TLN2: variants seen among roughly 807,000 people sequenced by gnomAD.
TLN2 encodes talin 2.
TLN2 carries 118 observed loss-of-function variants against 294.7 expected under a neutral mutation model. That is an observed-to-expected ratio of 0.40 (90% CI 0.34 to 0.47). TLN2 has a LOEUF of 0.47. TLN2 is among the 20% of genes least tolerant of loss of function. The probability of loss-of-function intolerance (pLI) is 0.84; values close to 1 mark genes in which losing one functional copy is unlikely to be tolerated. For missense variants in TLN2, 3,083 were observed against 3,282.2 expected, an observed-to-expected ratio of 0.94 and a Z score of 1.48; for synonymous variants, 1,431 against 1,304.5, an observed-to-expected ratio of 1.10 and a Z score of -2.09.
At chr15:62,463,015 C>T (rs932232575) in intron 1 of TLN2, among the ~76,000 whole-genome samples, 2 of 152,164 alleles carry the variant, frequency 1.3e-5, no homozygotes, top group African/African-American at 2.4e-5. Context: ...GCCGTGGCCA[C>T]GGGGGTACTT....
chr15:62,701,856 C>T, intron 17 of TLN2, 136 bp from the exon 18 acceptor site: 1 of 975,806 alleles, frequency 1.0e-6, no homozygotes, highest in Non-Finnish European at 1.5e-6. Flanking sequence ...CAGGCCAGCT[C>T]ACTGTGCTCA....
intron 12 of TLN2, among the ~76,000 whole-genome samples, chr15:62,688,757 TTC>T (rs2057511691): frequency 6.6e-6 from 1 of 152,202 alleles, no homozygotes; most frequent in Non-Finnish European, 1.5e-5. Flanking sequence ...TAATGTTATT[TTC>T]TGTTAGTAAT....
At chr15:62,504,231 G>A (rs2039461382) in intron 1 of TLN2, among the ~76,000 whole-genome samples, 1 of 152,180 alleles carries the variant, frequency 6.6e-6, no homozygotes, top group African/African-American at 2.4e-5. Context: ...ACATTGTTAA[G>A]ATGTCATCTC....
chr15:62,490,392 A>G (rs538808562), intron 1 of TLN2, among the ~76,000 whole-genome samples: 1 of 152,314 alleles, frequency 6.6e-6, no homozygotes, highest in Non-Finnish European at 1.5e-5. Context: ...GTTTGTCTCT[A>G]TCCTCAGAGG....
chr15:62,602,656 C>T (rs975549506), intron 2 of TLN2, among the ~76,000 whole-genome samples: 7 of 151,726 alleles, frequency 4.6e-5, no homozygotes, highest in African/African-American at 1.5e-4. Flanking sequence ...TGCTGGTTTA[C>T]AGATGCAGCC....
chr15:62,545,195 T>C (rs1596075762), intron 1 of TLN2, among the ~76,000 whole-genome samples: 1 of 152,064 alleles, frequency 6.6e-6, no homozygotes, highest in Non-Finnish European at 1.5e-5. Flanking sequence ...ACCTCGGCCT[T>C]CCGGAGTGCT....
At chr15:62,456,440 A>G (rs1191120570) in intron 1 of TLN2, among the ~76,000 whole-genome samples, 8 of 152,238 alleles carry the variant, frequency 5.3e-5, no homozygotes, top group African/African-American at 1.7e-4. Context: ...TGAGGGATTT[A>G]TGTGTTCCCT....
intron 1 of TLN2, among the ~76,000 whole-genome samples, chr15:62,532,460 T>G (rs775537395): frequency 2.0e-5 from 3 of 152,166 alleles, no homozygotes; most frequent in Non-Finnish European, 4.4e-5. Flanking sequence ...TGGATTGTTA[T>G]GTGGTTCCCA....
chr15:62,610,307 G>A (rs2047818588), intron 2 of TLN2, among the ~76,000 whole-genome samples: 1 of 152,194 alleles, frequency 6.6e-6, no homozygotes, highest in African/African-American at 2.4e-5. Flanking sequence ...ATAGCTCCTA[G>A]GAGAAATACA....
chr15:62,794,283 T>C (rs915080353), intron 46 of TLN2, among the ~76,000 whole-genome samples: 6 of 152,148 alleles, frequency 3.9e-5, no homozygotes, highest in Non-Finnish European at 5.9e-5. Context: ...CTTTTGACTG[T>C]TTCTTGCTGT....
In TLN2 at chr15:62,690,419, G is replaced by A. The variant is rs551982739; in HGVS notation, c.1114-2421G>A. 1.1e-3 allele frequency: 195 copies of A among 171,700 alleles called. 4 individuals carry two copies. The highest frequency in any genetic ancestry group is 4.4e-3 in the African/African-American group (175 of 39,446). The allele number at this position is 171,700 out of a possible 1,614,324, so 10.6% of individuals were successfully genotyped here. On this transcript the variant is annotated intron_variant, in intron 12 of 58. Transcript: ENST00000636159. Reference sequence around the variant, plus strand: ...CCCACATCTCAGACGATGGGCGGCCGGGCAGAGACGCTTCTCACTTCCTAG... The same window carrying A: ...CCCACATCTCAGACGATGGGCGGCCAGGCAGAGACGCTTCTCACTTCCTAG...
At chr15:62,507,361 C>G (rs139792268) in intron 1 of TLN2, among the ~76,000 whole-genome samples, 2 of 152,162 alleles carry the variant, frequency 1.3e-5, no homozygotes, top group Non-Finnish European at 2.9e-5. Flanking sequence ...CATTGAGACC[C>G]CCGTGTGATG....
chr15:62,410,416 G>C (rs531500750), intron 1 of TLN2, among the ~76,000 whole-genome samples: 14 of 152,040 alleles, frequency 9.2e-5, no homozygotes, highest in African/African-American at 2.9e-4. Flanking sequence ...TCCCTAAAAA[G>C]GATGAATTTT....
chr15:62,758,857 A>C (rs1203530850), intron 37 of TLN2, among the ~76,000 whole-genome samples: 4 of 152,210 alleles, frequency 2.6e-5, no homozygotes, highest in Non-Finnish European at 5.9e-5. Context: ...TTGTCAAGTC[A>C]TGTCACTTTC....
intron 37 of TLN2, among the ~76,000 whole-genome samples, chr15:62,758,996 G>A (rs1037783467): frequency 7.2e-5 from 11 of 152,318 alleles, no homozygotes; most frequent in African/African-American, 9.6e-5. Flanking sequence ...CCAGATGTCC[G>A]TGGTATTTTG....
intron 1 of TLN2, among the ~76,000 whole-genome samples, chr15:62,457,747 C>G (rs777138570): frequency 6.6e-6 from 1 of 152,136 alleles, no homozygotes; most frequent in Non-Finnish European, 1.5e-5. Flanking sequence ...AATGCTGCAC[C>G]TGCGTGGGAG....
intron 1 of TLN2, among the ~76,000 whole-genome samples, chr15:62,415,603 A>G (rs1012847542): frequency 1.3e-5 from 2 of 152,242 alleles, no homozygotes; most frequent in African/African-American, 4.8e-5. Context: ...CATTCTGGGG[A>G]AACAGCAGCC....
At chr15:62,529,494 G>A (rs899591147) in intron 1 of TLN2, among the ~76,000 whole-genome samples, 26 of 149,048 alleles carry the variant, frequency 1.7e-4, no homozygotes, top group African/African-American at 5.5e-4. Context: ...GCCCCATCCT[G>A]TCTCCAATCC....
At chr15:62,462,023 C>G (rs181701607) in intron 1 of TLN2, among the ~76,000 whole-genome samples, 1 of 152,154 alleles carries the variant, frequency 6.6e-6, no homozygotes, top group Admixed American at 6.5e-5. Flanking sequence ...GATCACGAGA[C>G]CAGCCTGGCC....
Sources: gnomAD v4.1 joint callset for allele counts (sites outside exome capture counted in the v4.1 genomes callset) on GRCh38, gnomAD v4.1.1 for gene constraint, MANE v1.5 for transcripts, NCBI Gene and HGNC (gene_info 2026-07-23, HGNC 2026-07-21) for gene names.